RAI14: variants seen among roughly 807,000 people sequenced by gnomAD.
The protein encoded by RAI14 is retinoic acid induced 14, also known as ankycorbin.
In RAI14, 45 loss-of-function variants were observed where a neutral mutation model predicts 115.4. That is an observed-to-expected ratio of 0.39 (90% CI 0.31 to 0.50). The LOEUF (loss-of-function observed/expected upper bound fraction) is 0.50, where lower values mean the gene tolerates loss of function less well. RAI14 is among the 20% of genes least tolerant of loss of function. The pLI, the probability that RAI14 is intolerant of heterozygous loss-of-function variation, is 0.85. For missense variants in RAI14, 939 were observed against 1,131.2 expected, an observed-to-expected ratio of 0.83 and a Z score of 2.44; for synonymous variants, 371 against 415.4, an observed-to-expected ratio of 0.89 and a Z score of 1.30.
intron 2 of RAI14, among the ~76,000 whole-genome samples, chr5:34,747,208 G>T (rs1014391640): frequency 3.9e-5 from 6 of 152,190 alleles, no homozygotes; most frequent in African/African-American, 1.4e-4. Context: ...TGGAGTGACT[G>T]CATATGTTTT....
chr5:34,764,954 G>A (rs1749159156), intron 3 of RAI14, among the ~76,000 whole-genome samples: 1 of 152,054 alleles, frequency 6.6e-6, no homozygotes, highest in Non-Finnish European at 1.5e-5. Context: ...GAATCCTGGG[G>A]GCAGTTTCCC....
At chr5:34,821,691 TTTAA>T in intron 13 of RAI14, 37 bp from the exon 14 acceptor site, 2 of 1,152,822 alleles carry the variant, frequency 1.7e-6, no homozygotes, top group South Asian at 1.3e-5. Flanking sequence ...GAAATAAGAG[TTTAA>T]TTGTTTTATA....
intron 2 of RAI14, among the ~76,000 whole-genome samples, chr5:34,743,872 A>G (rs1745839906): frequency 6.6e-6 from 1 of 152,222 alleles, no homozygotes; most frequent in South Asian, 2.1e-4. Flanking sequence ...GACTGTTTCC[A>G]TGGCATGTGA....
chr5:34,814,649 T>G lies in RAI14; in HGVS notation c.919T>G (p.Phe307Val). Reference protein sequence around the residue: ...TPLSGKESVFFAEPPFKAEIS... With the variant: ...TPLSGKESVFVAEPPFKAEIS... ...ACTATCGGGAAAGGAATCGGTATTT[T>G]TTGCTGAACCACCCTTCAAGGTATT... Residue 307 changes from phenylalanine (F) to valine (V), a missense_variant, in exon 12 of 18, where the codon TTT (phenylalanine) becomes GTT (valine). By Grantham distance (50) the Phe-to-Val change is conservative. Transcript: ENST00000265109. 1 of 1,612,372 alleles carries G rather than the reference T, an allele frequency of 6.2e-7. No homozygotes were observed. Among genetic ancestry groups the G allele is most frequent in the Non-Finnish European group, 8.5e-7 (1 of 1,178,460 alleles).
intron 5 of RAI14, among the ~76,000 whole-genome samples, chr5:34,804,772 A>G (rs1754665099): frequency 6.6e-6 from 1 of 152,214 alleles, no homozygotes. Context: ...GACAACTAAA[A>G]TAGAACTTTT....
intron 3 of RAI14, among the ~76,000 whole-genome samples, chr5:34,789,521 T>A (rs1752687161): frequency 6.6e-6 from 1 of 152,194 alleles, no homozygotes; most frequent in African/African-American, 2.4e-5. Flanking sequence ...TGGTTTATTG[T>A]GGTTTGCTAC....
rs116676170 is a variant in RAI14 at position 34,825,407 on chromosome 5, A to C, written c.2649+916A>C. ...TTGGGGATCAGAAGTGAACCTGCAA[A>C]CTGGAAAGTATTTGTGATCCACCTC... On this transcript the variant is annotated intron_variant, in intron 15 of 17. Coordinates refer to ENST00000265109, the MANE Select transcript of RAI14 (RefSeq NM_015577.3). 5.4e-3 allele frequency among the ~76,000 whole-genome samples: 819 copies of C among 152,314 alleles called. 4 individuals are homozygous for C. Among genetic ancestry groups the C allele is most frequent in the African/African-American group, 0.019 (795 of 41,548 alleles).
At chr5:34,725,138 G>A (rs1743287329) in intron 2 of RAI14, among the ~76,000 whole-genome samples, 1 of 152,046 alleles carries the variant, frequency 6.6e-6, no homozygotes, top group Non-Finnish European at 1.5e-5. Flanking sequence ...TATTTTGAGT[G>A]CTTTAAAACT....
chr5:34,665,057 GTA>G lies in RAI14; in HGVS notation c.-49+8590_-49+8591del, dbSNP rs372194692. Among the ~76,000 whole-genome samples the G allele has an allele frequency of 1.3e-4, 4 of 31,374 alleles. 1 individual carries two copies. Among genetic ancestry groups the G allele is most frequent in the African/African-American group, 3.8e-4 (4 of 10,428 alleles). The allele number at this position is 31,374 out of a possible 152,430, so 20.6% of individuals were successfully genotyped here. A position where few individuals can be genotyped will look rare whatever the true frequency, so the allele number is the denominator to read the frequency against. On this transcript the variant is annotated intron_variant, in intron 1 of 17. Coordinates refer to ENST00000265109, the MANE Select transcript of RAI14 (RefSeq NM_015577.3). ...TGTATATATATGTGTATATATATGTGTATATATATGTGTATATATATGTGTAT... is the reference window on the plus strand; with the variant it reads ...TGTATATATATGTGTATATATATGTGTATATATGTGTATATATATGTGTAT...
At chr5:34,747,901 A>G (rs1746495312) in intron 2 of RAI14, among the ~76,000 whole-genome samples, 1 of 152,206 alleles carries the variant, frequency 6.6e-6, no homozygotes, top group Admixed American at 6.5e-5. Context: ...AGTCTAGTCC[A>G]GTGGAAGGTG....
intron 2 of RAI14, among the ~76,000 whole-genome samples, chr5:34,721,284 TA>T (rs1742687996): frequency 8.0e-5 from 8 of 100,302 alleles, no homozygotes; most frequent in African/African-American, 3.4e-4. Flanking sequence ...TATGTAGATG[TA>T]GATGTGTATA....
At chr5:34,822,762 C>A (rs1167869509) in intron 14 of RAI14, among the ~76,000 whole-genome samples, 194 bp from the exon 15 acceptor site, 2 of 141,918 alleles carry the variant, frequency 1.4e-5, no homozygotes, top group Non-Finnish European at 3.0e-5. Context: ...CGGCTCACTG[C>A]AAGCTCCGCC....
At chr5:34,758,834 C>T (rs1407411152) in intron 3 of RAI14, among the ~76,000 whole-genome samples, 1 of 152,224 alleles carries the variant, frequency 6.6e-6, no homozygotes, top group Non-Finnish European at 1.5e-5. Context: ...CTACATGGCT[C>T]ACAAAGCCCA....
intron 1 of RAI14, among the ~76,000 whole-genome samples, chr5:34,673,421 A>G (rs1451742831): frequency 2.6e-5 from 4 of 152,210 alleles, no homozygotes; most frequent in Admixed American, 1.3e-4. Flanking sequence ...AGGTCATCCT[A>G]TTATATATTT....
chr5:34,744,754 G>T (rs1408650426), intron 2 of RAI14, among the ~76,000 whole-genome samples: 1 of 152,174 alleles, frequency 6.6e-6, no homozygotes, highest in Non-Finnish European at 1.5e-5. Context: ...TCCTGTGACC[G>T]CTGTAACAAA....
intron 2 of RAI14, among the ~76,000 whole-genome samples, chr5:34,727,368 T>C (rs1473297934): frequency 2.6e-5 from 4 of 152,168 alleles, no homozygotes; most frequent in Non-Finnish European, 5.9e-5. Context: ...AGCTTGATGA[T>C]GCAATAGAAA....
intron 2 of RAI14, among the ~76,000 whole-genome samples, chr5:34,688,626 A>G (rs1322969351): frequency 6.6e-6 from 1 of 152,206 alleles, no homozygotes; most frequent in Non-Finnish European, 1.5e-5. Context: ...CTAAGAGAAG[A>G]AATGTTGAGA....
intron 1 of RAI14, among the ~76,000 whole-genome samples, chr5:34,664,844 G>A (rs973479796): frequency 6.6e-6 from 1 of 150,562 alleles, no homozygotes; most frequent in African/African-American, 2.4e-5. Flanking sequence ...TCATAGCTTA[G>A]CTCCTACTTA....
At chr5:34,681,794 C>T (rs1459554633) in intron 1 of RAI14, among the ~76,000 whole-genome samples, 1 of 151,778 alleles carries the variant, frequency 6.6e-6, no homozygotes, top group African/African-American at 2.4e-5. Context: ...TTGCTGTGCC[C>T]GCCCTGCTGC....
Sources: allele counts gnomAD v4.1 joint callset (sites outside exome capture counted in the v4.1 genomes callset), GRCh38; gene constraint gnomAD v4.1.1; transcripts MANE v1.5; gene names NCBI Gene and HGNC (gene_info 2026-07-23, HGNC 2026-07-21).